TLCD4: variants seen among roughly 807,000 people sequenced by gnomAD.
TLCD4 encodes TLC domain-containing protein 4.
Under a neutral mutation model 24.2 loss-of-function variants are expected in TLCD4, and 7 were observed. The ratio of observed to expected loss-of-function variants is 0.29; its 90% CI spans 0.16 to 0.54. The LOEUF (loss-of-function observed/expected upper bound fraction) is 0.54, where lower values mean the gene tolerates loss of function less well. Ranked by LOEUF, TLCD4 falls within the 20% of genes least tolerant of loss-of-function variation. TLCD4 has a pLI of 0.95. For synonymous variants in TLCD4, 103 were observed against 106.4 expected (o/e 0.97, Z 0.20); for missense variants, 259 against 313.9 (o/e 0.82, Z 1.32).
At chr1:95,151,954 TATAC>T (rs1221716426) in intron 5 of TLCD4, among the ~76,000 whole-genome samples, 1 of 152,118 alleles carries the variant, frequency 6.6e-6, no homozygotes, top group African/African-American at 2.4e-5. Flanking sequence ...AATTTCTACA[TATAC>T]ATATGTAAAC....
At chr1:95,153,341 G>A (rs1199694947) in intron 5 of TLCD4, among the ~76,000 whole-genome samples, 1 of 151,994 alleles carries the variant, frequency 6.6e-6, no homozygotes, top group Non-Finnish European at 1.5e-5. Context: ...GTTAAAGCAA[G>A]CTTATGAGAT....
chr1:95,181,158 A>G (rs1010194089), intron 6 of TLCD4, among the ~76,000 whole-genome samples: 2 of 152,056 alleles, frequency 1.3e-5, no homozygotes, highest in South Asian at 2.1e-4. Context: ...TGTTAACACA[A>G]TATTTGTGTG....
intron 5 of TLCD4, chr1:95,163,483 G>A (rs754990302): frequency 1.3e-5 from 2 of 152,246 alleles, no homozygotes; most frequent in East Asian, 3.9e-4. Context: ...ATTACTGATC[G>A]TTTGAAGCCT....
At chr1:95,112,921 G>A (rs1056578818), upstream of TLCD4, among the ~76,000 whole-genome samples, 1 of 152,076 alleles carries the variant, frequency 6.6e-6, no homozygotes, top group East Asian at 1.9e-4. Context: ...TTACTAAGTT[G>A]CCCAGGCTGG....
chr1:95,095,810 C>T, the TLCD4 span, among the ~76,000 whole-genome samples: 3 of 152,120 alleles, frequency 2.0e-5, no homozygotes, highest in Non-Finnish European at 4.4e-5. Flanking sequence ...GTAGGCTTGC[C>T]ACATGGAATA....
At chr1:95,188,108 C>T (rs1217788677) in intron 6 of TLCD4, among the ~76,000 whole-genome samples, 1 of 152,132 alleles carries the variant, frequency 6.6e-6, no homozygotes, top group Non-Finnish European at 1.5e-5. Context: ...AAGAATTTAG[C>T]CGGGCGCGGT....
At chr1:95,113,820 T>C (rs1676382357), upstream of TLCD4, among the ~76,000 whole-genome samples, 1 of 152,002 alleles carries the variant, frequency 6.6e-6, no homozygotes, top group Admixed American at 6.6e-5. Flanking sequence ...AGAGGCTAAA[T>C]GGGGAGGATT....
chr1:95,159,490 G>T (rs867328565), intron 5 of TLCD4, among the ~76,000 whole-genome samples: 30 of 152,144 alleles, frequency 2.0e-4, no homozygotes, highest in African/African-American at 6.8e-4. Flanking sequence ...CTTTTGCTGT[G>T]CAGAAGCTCT....
At chr1:95,144,311 CTG>C (rs1346535322) in intron 2 of TLCD4, among the ~76,000 whole-genome samples, 2 of 152,272 alleles carry the variant, frequency 1.3e-5, no homozygotes, top group African/African-American at 2.4e-5. Flanking sequence ...CTCCAGCTGA[CTG>C]TGGATGAATA....
the TLCD4 span, among the ~76,000 whole-genome samples, chr1:95,102,099 A>C: frequency 6.6e-6 from 1 of 152,230 alleles, no homozygotes; most frequent in South Asian, 2.1e-4. Flanking sequence ...AGAGGCATGA[A>C]GTTGCGGAGA....
chr1:95,167,526 C>T (rs1438006688), intron 5 of TLCD4, among the ~76,000 whole-genome samples: 1 of 151,978 alleles, frequency 6.6e-6, no homozygotes, highest in Non-Finnish European at 1.5e-5. Flanking sequence ...TGTGCGGGGT[C>T]CAGGGTCTAA....
intron 5 of TLCD4, among the ~76,000 whole-genome samples, chr1:95,166,428 T>G (rs149111600): frequency 6.6e-6 from 1 of 152,204 alleles, no homozygotes; most frequent in Non-Finnish European, 1.5e-5. Context: ...TTAGAAGTAT[T>G]AATTTTCCTT....
upstream of TLCD4, among the ~76,000 whole-genome samples, chr1:95,112,885 T>G (rs1387383467): frequency 6.6e-6 from 1 of 152,126 alleles, no homozygotes; most frequent in Non-Finnish European, 1.5e-5. Context: ...TTTTATTTAT[T>G]TATTTATTCT....
chr1:95,138,943 TTTGGGAGGCTGAG>T (rs939567759), intron 1 of TLCD4, among the ~76,000 whole-genome samples: 8 of 150,364 alleles, frequency 5.3e-5, no homozygotes, highest in African/African-American at 2.0e-4. Context: ...ATCCCAGTGG[TTTGGGAGGCTGAG>T]GTGGGAGGAT....
chr1:95,099,682 C>A, the TLCD4 span, among the ~76,000 whole-genome samples: 2 of 152,066 alleles, frequency 1.3e-5, no homozygotes, highest in African/African-American at 4.8e-5. Flanking sequence ...GTTACTACAA[C>A]AATGATGATG....
rs114892598 is a variant in TLCD4 at position 95,133,913 on chromosome 1, G to A, written c.-11-9978G>A. Among the ~76,000 whole-genome samples the A allele has an allele frequency of 1.4e-3, 213 of 151,874 alleles. 1 individual carries two copies. The highest frequency in any genetic ancestry group is 2.4e-3 in the Non-Finnish European group (163 of 68,008). On this transcript the variant is annotated intron_variant, in intron 1 of 6. Coordinates refer to ENST00000370203, the MANE Select transcript of TLCD4 (RefSeq NM_152487.3). ...TCTTGGCAATGGAAAGGGAATTTGGGTGTTAGAGTGCTGTGGAAATGATGG... is the reference window on the plus strand; with the variant it reads ...TCTTGGCAATGGAAAGGGAATTTGGATGTTAGAGTGCTGTGGAAATGATGG...
At chr1:95,116,158 G>C (rs934299620), upstream of TLCD4, among the ~76,000 whole-genome samples, 27 of 152,236 alleles carry the variant, frequency 1.8e-4, no homozygotes, top group Non-Finnish European at 3.7e-4. Context: ...TCCCTGTTCT[G>C]TGGTATAGAT....
chr1:95,111,979 A>G, the TLCD4 span, among the ~76,000 whole-genome samples: 1 of 152,218 alleles, frequency 6.6e-6, no homozygotes, highest in Non-Finnish European at 1.5e-5. Flanking sequence ...TGAAATAGAA[A>G]GTTCGGTGGA....
chr1:95,110,040 T>C, the TLCD4 span, among the ~76,000 whole-genome samples: 1 of 149,022 alleles, frequency 6.7e-6, no homozygotes, highest in African/African-American at 2.5e-5. Context: ...TATTTTTTAG[T>C]TGATATTTTG....
Sources: allele counts gnomAD v4.1 joint callset (sites outside exome capture counted in the v4.1 genomes callset), GRCh38; gene constraint gnomAD v4.1.1; transcripts MANE v1.5; gene names NCBI Gene and HGNC (gene_info 2026-07-23, HGNC 2026-07-21).